The following PLB1 variants were observed in gnomAD, a reference collection of about 807,000 sequenced individuals.
PLB1 encodes phospholipase B1.
PLB1 carries 242 observed loss-of-function variants against 227.4 expected under a neutral mutation model. The observed-to-expected ratio is 1.06, with a 90% confidence interval of 0.96 to 1.18. The LOEUF is 1.18. Ranked by LOEUF, PLB1 falls within the 50% of genes most tolerant of loss-of-function variation. PLB1 has a pLI of 0.00. For synonymous variants in PLB1, 757 were observed against 682.2 expected, an observed-to-expected ratio of 1.11 and a Z score of -1.71; for missense variants, 1,858 against 1,816.3, an observed-to-expected ratio of 1.02 and a Z score of -0.42.
chr2:28,624,118 T>A (rs917912686), intron 49 of PLB1, among the ~76,000 whole-genome samples: 1 of 152,078 alleles, frequency 6.6e-6, no homozygotes, highest in African/African-American at 2.4e-5. Flanking sequence ...CAATTTAACA[T>A]TGTACCTGTG....
chr2:28,610,305 G>A (rs1212000875), intron 43 of PLB1, among the ~76,000 whole-genome samples: 1 of 149,066 alleles, frequency 6.7e-6, no homozygotes, highest in Non-Finnish European at 1.5e-5. Flanking sequence ...TGTAGGTAAA[G>A]AACCAGCACT....
At chr2:28,602,014 T>C (rs1402848295) in intron 38 of PLB1, 50 bp downstream of exon 38, 2 of 1,416,532 alleles carry the variant, frequency 1.4e-6, no homozygotes, top group South Asian at 2.3e-5. Context: ...ATGGTGAGGG[T>C]GAAGGTGGAT....
At chr2:28,632,468 T>C (rs1362840067) in intron 55 of PLB1, among the ~76,000 whole-genome samples, 2 of 152,120 alleles carry the variant, frequency 1.3e-5, no homozygotes, top group African/African-American at 2.4e-5. Context: ...GGAGAGACTA[T>C]GGGTGGGTCC....
At chr2:28,508,903 G>T (rs539121884) in intron 1 of PLB1, among the ~76,000 whole-genome samples, 140 of 152,286 alleles carry the variant, frequency 9.2e-4, no homozygotes, top group African/African-American at 3.2e-3. Flanking sequence ...ACATGAGTTG[G>T]CCTTGAAAGT....
intron 32 of PLB1, among the ~76,000 whole-genome samples, chr2:28,592,939 G>A (rs1303487763): frequency 2.6e-5 from 4 of 152,088 alleles, no homozygotes; most frequent in African/African-American, 7.2e-5. Flanking sequence ...TTGTTTCTGC[G>A]GGCAGAGATT....
chr2:28,617,893 T>A (rs1359973927), intron 45 of PLB1, 106 bp downstream of exon 45: 5 of 1,180,442 alleles, frequency 4.2e-6, no homozygotes, highest in Non-Finnish European at 6.3e-6. Flanking sequence ...GACTTGCTAA[T>A]TCCCCTGCAG....
chr2:28,549,112 A>G (rs536787600), intron 15 of PLB1, among the ~76,000 whole-genome samples, 181 bp downstream of exon 15: 1 of 152,246 alleles, frequency 6.6e-6, no homozygotes, highest in East Asian at 1.9e-4. Flanking sequence ...GGGCCATGAG[A>G]GCTGTTCTAG....
intron 20 of PLB1, among the ~76,000 whole-genome samples, chr2:28,572,037 C>G (rs888485736): frequency 1.3e-5 from 2 of 152,150 alleles, no homozygotes; most frequent in African/African-American, 4.8e-5. Context: ...AAGAAACTTA[C>G]GTCTAGAAAT....
chr2:28,583,855 A>G (rs1680470011), intron 25 of PLB1, among the ~76,000 whole-genome samples: 1 of 152,054 alleles, frequency 6.6e-6, no homozygotes, highest in Non-Finnish European at 1.5e-5. Flanking sequence ...ATTCCAAAAA[A>G]AAAAAAATCT....
intron 20 of PLB1, among the ~76,000 whole-genome samples, chr2:28,572,540 A>C (rs1678183857): frequency 6.6e-6 from 1 of 152,372 alleles, no homozygotes; most frequent in Non-Finnish European, 1.5e-5. Context: ...AAAATGTGGT[A>C]TATCCATCCA....
intron 6 of PLB1, among the ~76,000 whole-genome samples, chr2:28,526,228 G>A (rs1338729560): frequency 6.6e-6 from 1 of 152,060 alleles, no homozygotes; most frequent in East Asian, 1.9e-4. Context: ...GGGGCCAGCT[G>A]GAATGGGTGT....
chr2:28,628,477 C>A, intron 51 of PLB1, 86 bp from the exon 52 acceptor site: 2 of 1,243,306 alleles, frequency 1.6e-6, no homozygotes, highest in African/African-American at 1.5e-5. Flanking sequence ...AGTCATTTAG[C>A]CCAGGCCCCA....
Position 28,604,683 on chromosome 2 carries a change from G to T in PLB1, c.2885G>T (p.Gly962Val). 3 of 1,614,114 alleles carry T rather than the reference G, an allele frequency of 1.9e-6. No individual in the cohort carries two copies. The highest frequency in any genetic ancestry group is 2.5e-6 in the Non-Finnish European group (3 of 1,180,010). ...AGCATGCGCGAGCTGGTGGGGTCAG[G>T]CCGCTATGACACGCAGGAGGACTTC... ...RSSMRELVGS[G>V]RYDTQEDFSV... The change falls in exon 41 of 58, where the codon GGC (glycine) becomes GTC (valine). Residue 962 changes from glycine to valine, a missense_variant. Gly to Val is a moderately radical substitution (Grantham distance 109, BLOSUM62 -3). Transcript: ENST00000327757.
At chr2:28,636,043 A>ATGTATG (rs1465405827) in intron 56 of PLB1, among the ~76,000 whole-genome samples, 1 of 145,738 alleles carries the variant, frequency 6.9e-6, no homozygotes. Context: ...GTGTGTGTGT[A>ATGTATG]TGTATGTGTA....
intron 57 of PLB1, among the ~76,000 whole-genome samples, chr2:28,641,464 C>A (rs953746571): frequency 6.6e-6 from 1 of 152,102 alleles, no homozygotes; most frequent in Non-Finnish European, 1.5e-5. Context: ...AAAAGTCAGC[C>A]GGGCATGGTG....
chr2:28,547,202 CAAAA>C lies in PLB1; in HGVS notation c.937-1647_937-1644del, dbSNP rs531346408. 6.5e-4 allele frequency among the ~76,000 whole-genome samples: 65 copies of C among 99,890 alleles called. 1 individual carries two copies. Among genetic ancestry groups the C allele is most frequent in the African/African-American group, 2.6e-4 (7 of 27,162 alleles). 65.5% of individuals were successfully genotyped at this position (99,890 alleles called of 152,430 possible). Reference sequence around the variant, plus strand: ...AGCAATGAGAATGAGACCCTGTCTCCAAAAAAAAAAAAAAGAAAAAAAAAAAATT... The same window carrying C: ...AGCAATGAGAATGAGACCCTGTCTCCAAAAAAAAAAGAAAAAAAAAAAATT... On this transcript the variant is annotated intron_variant, in intron 14 of 57. Transcript: ENST00000327757.
intron 54 of PLB1, among the ~76,000 whole-genome samples, chr2:28,631,022 C>T (rs531707545): frequency 4.6e-4 from 70 of 152,182 alleles, no homozygotes; most frequent in African/African-American, 1.5e-3. Context: ...GACACAATGG[C>T]TCACGTCTGG....
chr2:28,601,658 C>T (rs947392338), intron 37 of PLB1, among the ~76,000 whole-genome samples: 3 of 152,220 alleles, frequency 2.0e-5, no homozygotes, highest in African/African-American at 7.2e-5. Context: ...GGAGGAGTCT[C>T]CACTTTCTGC....
chr2:28,497,569 TAGAGAAGATGGC>T (rs1666603373), intron 1 of PLB1, among the ~76,000 whole-genome samples: 1 of 152,140 alleles, frequency 6.6e-6, no homozygotes, highest in South Asian at 2.1e-4. Context: ...GAGCAAAAAA[TAGAGAAGATGGC>T]AGTCATTAAC....
Sources: allele counts gnomAD v4.1 joint callset (sites outside exome capture counted in the v4.1 genomes callset), GRCh38; gene constraint gnomAD v4.1.1; transcripts MANE v1.5; gene names NCBI Gene and HGNC (gene_info 2026-07-23, HGNC 2026-07-21).